Variants in RBFOX1 observed in about 807,000 individuals in gnomAD.
The protein encoded by RBFOX1 is RNA binding protein fox-1 homolog 1.
Under a neutral mutation model 57.7 loss-of-function variants are expected in RBFOX1, and 8 were observed. The ratio of observed to expected loss-of-function variants is 0.14; its 90% CI spans 0.08 to 0.25. The LOEUF (loss-of-function observed/expected upper bound fraction) is 0.25. Among genes scored for constraint, RBFOX1 ranks in the 10% least tolerant of loss-of-function variants. The pLI is 1.00. For synonymous variants in RBFOX1, 326 were observed against 222.4 expected (o/e 1.47, Z -4.15); for missense variants, 611 against 548.5 (o/e 1.11, Z -1.14).
chr16:5,585,312 G>A (rs1437689529), intron 2 of RBFOX1, among the ~76,000 whole-genome samples: 1 of 152,140 alleles, frequency 6.6e-6, no homozygotes, highest in Non-Finnish European at 1.5e-5. Flanking sequence ...TGTTTTCAAT[G>A]TTCATCCCTG....
intron 4 of RBFOX1, among the ~76,000 whole-genome samples, chr16:7,194,153 T>G (rs917997517): frequency 6.6e-6 from 1 of 152,298 alleles, no homozygotes; most frequent in Admixed American, 6.5e-5. Flanking sequence ...GGTACTAGAG[T>G]GTCTTAAACA....
intron 4 of RBFOX1, among the ~76,000 whole-genome samples, chr16:5,972,305 A>T (rs1260372058): frequency 6.6e-6 from 1 of 152,146 alleles, no homozygotes; most frequent in Non-Finnish European, 1.5e-5. Context: ...TGTTATTTCC[A>T]TAGGCTACAC....
chr16:7,441,340 A>T (rs1476055291), intron 4 of RBFOX1, among the ~76,000 whole-genome samples: 2 of 152,204 alleles, frequency 1.3e-5, no homozygotes, highest in African/African-American at 2.4e-5. Flanking sequence ...AATGCCTTGG[A>T]AACTAAAAAC....
At chr16:6,657,019 TTTC>T in intron 3 of RBFOX1, among the ~76,000 whole-genome samples, 2 of 109,162 alleles carry the variant, frequency 1.8e-5, no homozygotes, top group South Asian at 8.5e-4. Flanking sequence ...TCTCCTCCCC[TTTC>T]CTCTCCTGTC....
At chr16:6,398,182 C>G (rs572503450) in intron 2 of RBFOX1, among the ~76,000 whole-genome samples, 2 of 152,262 alleles carry the variant, frequency 1.3e-5, no homozygotes, top group South Asian at 2.1e-4. Flanking sequence ...ATCATGAGAA[C>G]AGCATCAGGG....
chr16:7,081,317 G>A (rs902442058), intron 4 of RBFOX1, among the ~76,000 whole-genome samples: 1 of 152,172 alleles, frequency 6.6e-6, no homozygotes, highest in Non-Finnish European at 1.5e-5. Context: ...TTATAGGTGT[G>A]AGCCACCACG....
Position 7,711,451 on chromosome 16 carries a change from A to G in RBFOX1, c.*706A>G, listed in dbSNP as rs3803674. 4.9e-4 allele frequency: 75 copies of G among 152,394 alleles called. No individual in the cohort carries two copies. Among genetic ancestry groups the G allele is most frequent in the East Asian group, 1.5e-3 (8 of 5,170 alleles). 9.4% of individuals were successfully genotyped at this position (152,394 alleles called of 1,614,324 possible). On this transcript the variant is annotated 3_prime_UTR_variant, in exon 16 of 16. Transcript: ENST00000550418. ...GCTTCTTAACCAGTCGCTATTTAGG[A>G]AAAAAAACCCACTAGTTAGGCCATC...
intron 4 of RBFOX1, among the ~76,000 whole-genome samples, chr16:7,092,606 C>T (rs1288463294): frequency 6.6e-6 from 1 of 152,170 alleles, no homozygotes; most frequent in East Asian, 1.9e-4. Context: ...GGTGTGAATG[C>T]ATTCACTAAT....
Position 5,730,150 on chromosome 16 carries a change from T to C in RBFOX1, c.318+131189T>C, listed in dbSNP as rs560190336. On this transcript the variant is annotated intron_variant, in intron 3 of 19. Coordinates refer to the RBFOX1 transcript ENST00000641259. ...GGTTTTTGGTTTCTGGTCTTGGCAG[T>C]AGAAGAAGATTATAATGTTCATTGA... is the stretch of plus-strand genomic sequence containing the variant. 2.0e-3 allele frequency among the ~76,000 whole-genome samples: 300 copies of C among 152,298 alleles called. 1 individual carries two copies. Among genetic ancestry groups the C allele is most frequent in the Non-Finnish European group, 2.4e-3 (166 of 68,028 alleles).
intron 1 of RBFOX1, among the ~76,000 whole-genome samples, chr16:6,081,487 T>G (rs991105266): frequency 2.0e-5 from 3 of 152,172 alleles, no homozygotes; most frequent in African/African-American, 7.2e-5. Flanking sequence ...TTCTTCCTCC[T>G]CTTCCCCTTT....
chr16:7,492,193 C>A, intron 4 of RBFOX1, among the ~76,000 whole-genome samples: 1 of 152,308 alleles, frequency 6.6e-6, no homozygotes, highest in South Asian at 2.1e-4. Flanking sequence ...CCTAAGCAGG[C>A]ATAAAATTCA....
intron 3 of RBFOX1, among the ~76,000 whole-genome samples, chr16:6,895,281 C>A (rs1045702145): frequency 6.6e-6 from 1 of 150,934 alleles, no homozygotes; most frequent in African/African-American, 2.4e-5. Context: ...TCCCAGAATC[C>A]CCTGGATAGC....
At chr16:6,416,635 G>A (rs180783951) in intron 2 of RBFOX1, among the ~76,000 whole-genome samples, 8 of 152,246 alleles carry the variant, frequency 5.3e-5, no homozygotes, top group Admixed American at 2.0e-4. Flanking sequence ...ACCCCAAGGC[G>A]TGTGTGCTTT....
At chr16:5,410,951 G>A (rs904037020) in intron 1 of RBFOX1, among the ~76,000 whole-genome samples, 2 of 152,200 alleles carry the variant, frequency 1.3e-5, no homozygotes, top group African/African-American at 4.8e-5. Context: ...GATCATGAAA[G>A]CACTTGTTTC....
chr16:5,895,549 C>G (rs1318551893), intron 4 of RBFOX1, among the ~76,000 whole-genome samples: 5 of 152,186 alleles, frequency 3.3e-5, no homozygotes, highest in Non-Finnish European at 5.9e-5. Context: ...GATCTTTATT[C>G]TTACTGAGCT....
At chr16:5,922,354 T>C (rs1463924644) in intron 4 of RBFOX1, among the ~76,000 whole-genome samples, 1 of 152,012 alleles carries the variant, frequency 6.6e-6, no homozygotes. Flanking sequence ...CTAAACCATA[T>C]AGGGATGGAC....
At chr16:7,436,726 T>G (rs952756441) in intron 4 of RBFOX1, among the ~76,000 whole-genome samples, 15 of 152,122 alleles carry the variant, frequency 9.9e-5, no homozygotes, top group Non-Finnish European at 2.2e-4. Context: ...GTGAAATAGC[T>G]AGAAAATTAT....
intron 3 of RBFOX1, among the ~76,000 whole-genome samples, chr16:5,822,913 G>A (rs966418243): frequency 6.6e-6 from 1 of 152,234 alleles, no homozygotes; most frequent in Non-Finnish European, 1.5e-5. Context: ...TTGCCAGGCT[G>A]TGGGCTTAGA....
chr16:6,790,143 T>G (rs2082657234), intron 3 of RBFOX1, among the ~76,000 whole-genome samples: 1 of 147,980 alleles, frequency 6.8e-6, no homozygotes, highest in African/African-American at 2.5e-5. Context: ...TAAATGTGAC[T>G]CTTAGATTCT....
Sources: allele counts gnomAD v4.1 joint callset (sites outside exome capture counted in the v4.1 genomes callset), GRCh38; gene constraint gnomAD v4.1.1; transcripts MANE v1.5; gene names NCBI Gene and HGNC (gene_info 2026-07-23, HGNC 2026-07-21).